Variants in ATXN2 observed in about 807,000 individuals in gnomAD.
ATXN2 encodes ataxin-2.
A neutral mutation model predicts 138.6 loss-of-function variants in ATXN2; 37 were observed. That is an observed-to-expected ratio of 0.27 (90% confidence interval 0.21 to 0.35). The LOEUF is 0.35. Ranked by LOEUF, ATXN2 falls within the 10% of genes least tolerant of loss-of-function variation. The pLI, the probability that ATXN2 is intolerant of heterozygous loss-of-function variation, is 1.00. For missense variants in ATXN2, 1,216 were observed against 1,480.3 expected (o/e 0.82, Z 2.93); for synonymous variants, 549 against 543.7 (o/e 1.01, Z -0.13).
chr12:111,456,066 G>A lies in ATXN2; in HGVS notation c.3233C>T (p.Ala1078Val). Residue 1078 changes from alanine to valine, a missense_variant, in exon 23 of 25, where the codon GCG becomes GTG. Physicochemically the swap from Ala to Val is moderately conservative, Grantham distance 64. Transcript: ENST00000673436. ...FTIHPSHVQP[A>V]YTNPPHMAHV... The stretch of plus-strand genomic sequence containing the variant: ...GGCCATGTGGGGTGGGTTGGTATAC[G>A]CCGGCTGAACGTGAGAAGGATGGAT... 6.2e-7 allele frequency: 1 copy of A among 1,614,210 alleles called. No homozygotes were observed. Among genetic ancestry groups the A allele is most frequent in the Non-Finnish European group, 8.5e-7 (1 of 1,180,036 alleles).
At chr12:111,543,943 C>T (rs1333482952) in intron 5 of ATXN2, among the ~76,000 whole-genome samples, 6 of 152,002 alleles carry the variant, frequency 3.9e-5, no homozygotes, top group Non-Finnish European at 7.4e-5. Flanking sequence ...CCGGGCATAG[C>T]GGCGTGCACC....
Position 111,599,132 on chromosome 12 carries a change from C to T in ATXN2, c.-98G>A. The stretch of plus-strand genomic sequence containing the variant: ...GGAACGCGGCGGGGACGCGCGGGCG[C>T]CGAGCGGGGAGGCGCGGGTTGGCGC... On this transcript the variant is annotated 5_prime_UTR_variant, in exon 1 of 25. Coordinates refer to ENST00000673436, the MANE Select transcript of ATXN2 (RefSeq NM_001372574.1). The T allele has an allele frequency of 8.2e-7, 1 of 1,224,662 alleles. No homozygotes were observed. Among genetic ancestry groups the T allele is most frequent in the Non-Finnish European group, 1.0e-6 (1 of 983,988 alleles). 75.9% of individuals were successfully genotyped at this position (1,224,662 alleles called of 1,614,324 possible).
In ATXN2 at chr12:111,488,703, C is replaced by A; in HGVS notation, c.2013G>T (p.Leu671Phe). ...KNREGEKSRD[L>F]IKDKIEPSAK... ...CACTTGGTTCAATTTTGTCTTTGAT[C>A]AAATCTCTTGATTTTTCTCCCTCTC... The change falls in exon 15 of 25, where the codon TTG becomes TTT. Residue 671 changes from leucine (L) to phenylalanine (F), a missense_variant. By Grantham distance (22) the Leu-to-Phe change is conservative (BLOSUM62 0). Transcript: ENST00000673436. 1 of 1,611,900 alleles carries A rather than the reference C, an allele frequency of 6.2e-7. No individual in the cohort carries two copies. Among genetic ancestry groups the A allele is most frequent in the Non-Finnish European group, 8.5e-7 (1 of 1,178,652 alleles).
chr12:111,585,188 G>A (rs1000133414), intron 1 of ATXN2, among the ~76,000 whole-genome samples: 5 of 152,068 alleles, frequency 3.3e-5, no homozygotes, highest in African/African-American at 7.2e-5. Context: ...AATGCCCTTA[G>A]GGCCTAAGAT....
rs1265364681 is a variant in ATXN2 at position 111,516,879 on chromosome 12, C to G, written c.1166-516G>C. The stretch of plus-strand genomic sequence containing the variant: ...GATTTTCATCAGGTTTACACTTGAA[C>G]CCAGAACTCAGTTTGGAATCTTATT... On this transcript the variant is annotated intron_variant, in intron 9 of 24. Transcript: ENST00000673436. This position sits in a 1 kb window ranked among gnomAD's most constrained non-coding sequence, Gnocchi z 5.0. 6.6e-6 allele frequency among the ~76,000 whole-genome samples: 1 copy of G among 152,092 alleles called. No homozygotes were observed. The highest frequency in any genetic ancestry group is 1.9e-4 in the East Asian group (1 of 5,194).
intron 8 of ATXN2, among the ~76,000 whole-genome samples, chr12:111,519,490 A>G (rs1880040298): frequency 6.6e-6 from 1 of 152,122 alleles, no homozygotes; most frequent in Admixed American, 6.6e-5. Flanking sequence ...CACCTCCTCA[A>G]TGAGGTTTTC....
intron 18 of ATXN2, among the ~76,000 whole-genome samples, chr12:111,482,500 A>G (rs1877317432): frequency 6.6e-6 from 1 of 152,030 alleles, no homozygotes; most frequent in South Asian, 2.1e-4. Context: ...GACTCTGAGT[A>G]TATCATTTCT....
chr12:111,541,495 G>A (rs1430424196), intron 5 of ATXN2, among the ~76,000 whole-genome samples: 1 of 147,814 alleles, frequency 6.8e-6, no homozygotes, highest in East Asian at 2.0e-4. Context: ...GGGACTACAG[G>A]TATGCGCCAC....
intron 1 of ATXN2, among the ~76,000 whole-genome samples, chr12:111,586,052 A>G (rs1884311024): frequency 6.6e-6 from 1 of 150,844 alleles, no homozygotes; most frequent in South Asian, 2.1e-4. Flanking sequence ...GTGCACGACC[A>G]TGACTGGCTA....
At chr12:111,510,698 C>T (rs563530065) in intron 11 of ATXN2, 116 bp from the exon 12 acceptor site, 4 of 912,800 alleles carry the variant, frequency 4.4e-6, no homozygotes, top group South Asian at 2.1e-5. Flanking sequence ...CTAGCCCTTA[C>T]CCTTTATCCC....
At chr12:111,457,490 T>A (rs1875201277) in intron 21 of ATXN2, 131 bp from the exon 22 acceptor site, 1 of 1,017,258 alleles carries the variant, frequency 9.8e-7, no homozygotes, top group Non-Finnish European at 1.4e-6. Context: ...TTTCTATAGA[T>A]GACTCCATTT....
intron 1 of ATXN2, among the ~76,000 whole-genome samples, chr12:111,583,095 C>T (rs532731020): frequency 1.7e-4 from 25 of 149,640 alleles, no homozygotes; most frequent in East Asian, 6.0e-4. Flanking sequence ...TGGGTTCAAG[C>T]GATTCCCCTG....
At position 111,497,962 on chromosome 12, in the gene ATXN2, G is replaced by C. The variant is rs778560616; in HGVS notation, c.1936-9182C>G. On this transcript the variant is annotated intron_variant, in intron 14 of 24. Transcript: ENST00000673436. Reference sequence around the variant, plus strand: ...ACCCAGGAGGTGGAGCTTGCAGTGAGCCAACATTGCGCCACTGCACTCCAG... The same window carrying C: ...ACCCAGGAGGTGGAGCTTGCAGTGACCCAACATTGCGCCACTGCACTCCAG... Among the ~76,000 whole-genome samples, 5 of 152,110 alleles carry C rather than the reference G, an allele frequency of 3.3e-5. No individual in the cohort carries two copies. The East Asian group carries it at 9.6e-4, about 29-fold the overall frequency.
In ATXN2 at chr12:111,552,984, A is replaced by G; in HGVS notation, c.349-7T>C. 1 of 1,525,890 alleles carries G rather than the reference A, an allele frequency of 6.6e-7. No homozygotes were observed. The highest frequency in any genetic ancestry group is 8.8e-7 in the Non-Finnish European group (1 of 1,137,336). 94.5% of individuals were successfully genotyped at this position (1,525,890 alleles called of 1,614,324 possible). On this transcript the variant is annotated splice_region_variant and splice_polypyrimidine_tract_variant and intron_variant, in intron 3 of 24. Coordinates refer to ENST00000673436, the MANE Select transcript of ATXN2 (RefSeq NM_001372574.1). The surrounding 1 kb of genome is among the most constrained non-coding windows in gnomAD (Gnocchi z 4.1). ...GTACTTCACATTTGGAGCCCTAAAA[A>G]CATATAATTTATTTATCAAAGAAAC...
chr12:111,509,803 T>C lies in ATXN2; in HGVS notation c.1864+88A>G, dbSNP rs1430324350. 3 of 1,129,872 alleles carry C rather than the reference T, an allele frequency of 2.7e-6. No homozygotes were observed. The East Asian group carries it at 7.2e-5, about 27-fold the overall frequency. 70.0% of individuals were successfully genotyped at this position (1,129,872 alleles called of 1,614,324 possible). The stretch of plus-strand genomic sequence containing the variant: ...TCTATCACAATAGTAAGAAGAAATG[T>C]TGAACAAAAATATTCTGTATGGGCA... On this transcript the variant is annotated intron_variant, in intron 13 of 24. Coordinates refer to ENST00000673436, the MANE Select transcript of ATXN2 (RefSeq NM_001372574.1).
intron 21 of ATXN2, among the ~76,000 whole-genome samples, chr12:111,464,247 G>GGTGTGTGTGTGTGTGT (rs57717176): frequency 7.3e-4 from 98 of 134,710 alleles, no homozygotes; most frequent in African/African-American, 2.5e-3. Context: ...TGTGGCTTGG[G>GGTGTGTGTGTGTGTGT]GTGTGTGTGT....
At chr12:111,579,047 T>A (rs1188187210) in intron 1 of ATXN2, among the ~76,000 whole-genome samples, 3 of 151,930 alleles carry the variant, frequency 2.0e-5, no homozygotes, top group African/African-American at 7.2e-5. Context: ...CAAAAAAAAA[T>A]TCATACACTG....
At chr12:111,565,088 T>A (rs990953399) in intron 1 of ATXN2, among the ~76,000 whole-genome samples, 1 of 152,132 alleles carries the variant, frequency 6.6e-6, no homozygotes, top group African/African-American at 2.4e-5. Flanking sequence ...TATGTACATA[T>A]AAGAAATGTC....
chr12:111,472,831 C>T (rs934956999), intron 18 of ATXN2, among the ~76,000 whole-genome samples: 3 of 152,140 alleles, frequency 2.0e-5, no homozygotes, highest in African/African-American at 7.2e-5. Context: ...ACCTCTGCCT[C>T]CCAAAGAGGT....
Sources: allele counts gnomAD v4.1 joint callset (sites outside exome capture counted in the v4.1 genomes callset), GRCh38; gene constraint gnomAD v4.1.1; non-coding constraint Gnocchi (gnomAD v3.1); transcripts MANE v1.5; gene names NCBI Gene and HGNC (gene_info 2026-07-23, HGNC 2026-07-21).